Variants in DYNC1I1 observed in about 807,000 individuals in gnomAD.
DYNC1I1 encodes dynein cytoplasmic 1 intermediate chain 1, also known as cytoplasmic dynein 1 intermediate chain 1.
A neutral mutation model predicts 86.6 loss-of-function variants in DYNC1I1; 43 were observed. That is an observed-to-expected ratio of 0.50 (90% CI 0.39 to 0.64). The LOEUF (loss-of-function observed/expected upper bound fraction) is 0.64. DYNC1I1 is among the 30% of genes least tolerant of loss of function. The pLI is 0.00. For missense variants in DYNC1I1, 604 were observed against 788.8 expected (o/e 0.77, Z 2.81); for synonymous variants, 262 against 283.7 (o/e 0.92, Z 0.77).
At chr7:96,100,053 A>G (rs1399362786), downstream of DYNC1I1, among the ~76,000 whole-genome samples, 1 of 152,198 alleles carries the variant, frequency 6.6e-6, no homozygotes, top group Non-Finnish European at 1.5e-5. Flanking sequence ...TGTGCCTTTC[A>G]GATTTCCTAT....
At chr7:95,858,641 T>A (rs1268772732) in intron 5 of DYNC1I1, among the ~76,000 whole-genome samples, 2 of 151,968 alleles carry the variant, frequency 1.3e-5, no homozygotes, top group Non-Finnish European at 2.9e-5. Flanking sequence ...TTACAACAAC[T>A]GTGATGTCAC....
At chr7:96,024,737 G>A (rs1391142980) in intron 10 of DYNC1I1, among the ~76,000 whole-genome samples, 1 of 151,820 alleles carries the variant, frequency 6.6e-6, no homozygotes, top group Non-Finnish European at 1.5e-5. Flanking sequence ...AAAAATGAAG[G>A]ACAAAAAAAC....
chr7:96,003,905 G>A (rs1023200003), intron 10 of DYNC1I1, among the ~76,000 whole-genome samples: 1 of 152,108 alleles, frequency 6.6e-6, no homozygotes, highest in Non-Finnish European at 1.5e-5. Flanking sequence ...TTTCTGATTT[G>A]TGTGTGTCTT....
At chr7:96,080,299 G>A in intron 15 of DYNC1I1, 64 bp from the exon 16 acceptor site, 1 of 1,515,322 alleles carries the variant, frequency 6.6e-7, no homozygotes, top group South Asian at 1.3e-5. Flanking sequence ...ACGTATTATT[G>A]TAAATTTGTA....
At chr7:95,778,855 G>T (rs918843525) in intron 1 of DYNC1I1, among the ~76,000 whole-genome samples, 1 of 151,938 alleles carries the variant, frequency 6.6e-6, no homozygotes, top group Non-Finnish European at 1.5e-5. Flanking sequence ...CATAGGGATG[G>T]AGTCTTGCTG....
At chr7:96,011,623 A>T (rs2115850676) in intron 10 of DYNC1I1, among the ~76,000 whole-genome samples, 1 of 152,314 alleles carries the variant, frequency 6.6e-6, no homozygotes, top group Non-Finnish European at 1.5e-5. Flanking sequence ...TAAATCTGTG[A>T]ATTTTGTCAT....
chr7:95,816,369 G>T (rs1421098246), intron 4 of DYNC1I1, among the ~76,000 whole-genome samples: 1 of 152,150 alleles, frequency 6.6e-6, no homozygotes, highest in Admixed American at 6.6e-5. Flanking sequence ...TAAAAAATGG[G>T]TAGAGAGTAG....
intron 9 of DYNC1I1, 138 bp from the exon 10 acceptor site, chr7:95,995,810 A>C: frequency 8.1e-7 from 1 of 1,231,640 alleles, no homozygotes; most frequent in African/African-American, 1.5e-5. Flanking sequence ...TGCAGCAGTA[A>C]GCTGATAGTA....
chr7:95,952,576 A>G (rs918126352), intron 6 of DYNC1I1, among the ~76,000 whole-genome samples: 2 of 152,062 alleles, frequency 1.3e-5, no homozygotes, highest in South Asian at 2.1e-4. Flanking sequence ...CTAAACTGAA[A>G]TCTTCAACCA....
chr7:96,101,623 A>C (rs773976687), downstream of DYNC1I1, among the ~76,000 whole-genome samples: 1 of 152,192 alleles, frequency 6.6e-6, no homozygotes, highest in Non-Finnish European at 1.5e-5. Flanking sequence ...AAGGTAATGT[A>C]ATGGAGTGTT....
At chr7:95,834,829 AT>A (rs1413016110) in intron 5 of DYNC1I1, among the ~76,000 whole-genome samples, 6 of 146,662 alleles carry the variant, frequency 4.1e-5, no homozygotes, top group African/African-American at 7.6e-5. Flanking sequence ...CCCCTTTATC[AT>A]TTTTTATTGT....
intron 7 of DYNC1I1, among the ~76,000 whole-genome samples, chr7:95,978,261 A>T (rs1486933809): frequency 6.6e-6 from 1 of 152,234 alleles, no homozygotes; most frequent in Non-Finnish European, 1.5e-5. Context: ...ATCCAAGGAT[A>T]CATAATGTAC....
chr7:95,828,846 A>G (rs891501522), intron 5 of DYNC1I1, among the ~76,000 whole-genome samples: 1 of 152,092 alleles, frequency 6.6e-6, no homozygotes. Flanking sequence ...CACACAGGAG[A>G]TATTACTGGT....
chr7:95,880,626 C>A (rs1287276742), intron 6 of DYNC1I1, among the ~76,000 whole-genome samples: 3 of 146,526 alleles, frequency 2.0e-5, no homozygotes, highest in Non-Finnish European at 3.0e-5. Context: ...TTCTTCATAA[C>A]CTACATCTTC....
chr7:96,010,760 A>G (rs1263580664), intron 10 of DYNC1I1, among the ~76,000 whole-genome samples: 1 of 152,242 alleles, frequency 6.6e-6, no homozygotes, highest in Admixed American at 6.5e-5. Context: ...TTGTTGTTGT[A>G]CAAATAAAAT....
intron 11 of DYNC1I1, among the ~76,000 whole-genome samples, chr7:96,031,587 G>C (rs1562978409): frequency 1.3e-5 from 2 of 152,130 alleles, no homozygotes; most frequent in Non-Finnish European, 2.9e-5. Context: ...AGCTACATTA[G>C]ATGATTATTA....
intron 5 of DYNC1I1, among the ~76,000 whole-genome samples, chr7:95,857,613 C>A (rs1336040737): frequency 6.6e-6 from 1 of 152,098 alleles, no homozygotes; most frequent in African/African-American, 2.4e-5. Flanking sequence ...AATATTGCCC[C>A]CAAGCAAGAC....
intron 15 of DYNC1I1, 115 bp from the exon 16 acceptor site, chr7:96,080,248 A>T: frequency 7.4e-7 from 1 of 1,347,988 alleles, no homozygotes; most frequent in Non-Finnish European, 9.9e-7. Context: ...GATGTGTATT[A>T]CTTAATGCAC....
At position 95,897,032 on chromosome 7, in the gene DYNC1I1, A is replaced by G. The variant is rs1790899132; in HGVS notation, c.490+27034A>G. 2.0e-5 allele frequency among the ~76,000 whole-genome samples: 3 copies of G among 152,320 alleles called. No individual in the cohort carries two copies. The South Asian group carries it at 6.2e-4, about 32-fold the overall frequency. On this transcript the variant is annotated intron_variant, in intron 6 of 16. Coordinates refer to ENST00000447467, the MANE Select transcript of DYNC1I1 (RefSeq NM_001135556.2). ...AATTTATCTGTAGTTTATCAGTGAA[A>G]GTTGATAGACCAGGATTTTATCAGC...
Sources: gnomAD v4.1 joint callset for allele counts (sites outside exome capture counted in the v4.1 genomes callset) on GRCh38, gnomAD v4.1.1 for gene constraint, MANE v1.5 for transcripts, NCBI Gene and HGNC (gene_info 2026-07-23, HGNC 2026-07-21) for gene names.